Variants in ANKRD13C observed in about 807,000 individuals in gnomAD.
ANKRD13C encodes ankyrin repeat domain-containing protein 13C.
ANKRD13C carries 16 observed loss-of-function variants against 65.5 expected under a neutral mutation model. The observed-to-expected ratio is 0.24, with a 90% CI of 0.17 to 0.37. The LOEUF (loss-of-function observed/expected upper bound fraction) is 0.37, where lower values mean the gene tolerates loss of function less well. Ranked by LOEUF, ANKRD13C falls within the 10% of genes least tolerant of loss-of-function variation. ANKRD13C has a pLI of 1.00. For missense variants in ANKRD13C, 503 were observed against 655.9 expected (o/e 0.77, Z 2.55); for synonymous variants, 235 against 238.7 (o/e 0.98, Z 0.14).
chr1:70,275,231 A>G (rs1679077394), intron 10 of ANKRD13C, among the ~76,000 whole-genome samples: 1 of 152,252 alleles, frequency 6.6e-6, no homozygotes. Context: ...AAGGAATTCT[A>G]TATTAACTAT....
rs79818753 is a variant in ANKRD13C, at chr1:70,293,084, C to T, written c.1054-535G>A. On this transcript the variant is annotated intron_variant, in intron 8 of 12. Transcript: ENST00000370944. ...ACAGGCACCAAACTTCAAGTTACAGCTGCCTGTTTTCAACAAAGAAAAGAG... is the reference window on the plus strand; with the variant it reads ...ACAGGCACCAAACTTCAAGTTACAGTTGCCTGTTTTCAACAAAGAAAAGAG... Among the ~76,000 whole-genome samples the T allele has an allele frequency of 5.4e-3, 823 of 152,252 alleles. 9 individuals carry two copies. Among genetic ancestry groups the T allele is most frequent in the African/African-American group, 0.018 (767 of 41,540 alleles).
At chr1:70,284,952 T>C (rs930383017) in intron 9 of ANKRD13C, among the ~76,000 whole-genome samples, 2 of 152,164 alleles carry the variant, frequency 1.3e-5, no homozygotes, top group Non-Finnish European at 2.9e-5. Context: ...GAAGCTGAAA[T>C]TGAGCTTATG....
chr1:70,315,367 A>C (rs1257095109), intron 4 of ANKRD13C, 114 bp downstream of exon 4: 7 of 739,892 alleles, frequency 9.5e-6, no homozygotes, highest in Non-Finnish European at 1.6e-5. Context: ...CATGATTTTT[A>C]CCATTTTTTG....
At chr1:70,299,117 A>G (rs1680216099) in intron 7 of ANKRD13C, among the ~76,000 whole-genome samples, 1 of 152,174 alleles carries the variant, frequency 6.6e-6, no homozygotes, top group Admixed American at 6.5e-5. Flanking sequence ...ATTTGGTGGG[A>G]GAGAAAGTAA....
intron 8 of ANKRD13C, among the ~76,000 whole-genome samples, chr1:70,295,716 T>C (rs919551621): frequency 6.6e-6 from 1 of 152,048 alleles, no homozygotes; most frequent in Non-Finnish European, 1.5e-5. Flanking sequence ...CTCATATGTA[T>C]AGAATACAAG....
At position 70,288,742 on chromosome 1, in the gene ANKRD13C, A is replaced by C. The variant is rs540363240; in HGVS notation, c.1215+3646T>G. Among the ~76,000 whole-genome samples, 8 of 152,326 alleles carry C rather than the reference A, an allele frequency of 5.3e-5. No homozygotes were observed. The South Asian group carries it at 1.7e-3, about 32-fold the overall frequency. On this transcript the variant is annotated intron_variant, in intron 9 of 12. Coordinates refer to ENST00000370944, the MANE Select transcript of ANKRD13C (RefSeq NM_030816.5). ...ATTGCCAGGCATAAGGGACAGAGAG[A>C]GGCTAAGGGGGCAGCAAATGTGCCT...
At chr1:70,348,840 G>A (rs1347332018) in intron 1 of ANKRD13C, among the ~76,000 whole-genome samples, 1 of 152,132 alleles carries the variant, frequency 6.6e-6, no homozygotes, top group Non-Finnish European at 1.5e-5. Flanking sequence ...CATATATAGA[G>A]AAGATGGCTT....
At chr1:70,338,947 C>A (rs538124529) in intron 1 of ANKRD13C, among the ~76,000 whole-genome samples, 1 of 152,118 alleles carries the variant, frequency 6.6e-6, no homozygotes, top group East Asian at 1.9e-4. Flanking sequence ...CTTGGCCGGG[C>A]GCGGTGGCTC....
chr1:70,273,598 C>T (rs938450263), intron 11 of ANKRD13C, among the ~76,000 whole-genome samples: 2 of 151,506 alleles, frequency 1.3e-5, no homozygotes, highest in Non-Finnish European at 2.9e-5. Flanking sequence ...ATCAACACTA[C>T]AAAATAACAA....
At chr1:70,330,742 A>G (rs1681759102) in intron 2 of ANKRD13C, among the ~76,000 whole-genome samples, 1 of 152,152 alleles carries the variant, frequency 6.6e-6, no homozygotes. Flanking sequence ...TTAAGAAAAA[A>G]TAAAAAATTG....
chr1:70,293,860 T>C (rs1679963884), intron 8 of ANKRD13C, among the ~76,000 whole-genome samples: 1 of 152,192 alleles, frequency 6.6e-6, no homozygotes, highest in South Asian at 2.1e-4. Flanking sequence ...ATCAACAAAA[T>C]GTTAAGTGTG....
intron 5 of ANKRD13C, among the ~76,000 whole-genome samples, chr1:70,310,457 A>T (rs1479191095): frequency 6.6e-6 from 1 of 152,168 alleles, no homozygotes; most frequent in Non-Finnish European, 1.5e-5. Context: ...ATAATCCTTT[A>T]TTAGCAATGA....
intron 2 of ANKRD13C, among the ~76,000 whole-genome samples, chr1:70,331,368 C>G (rs1281387646): frequency 6.6e-6 from 1 of 151,900 alleles, no homozygotes; most frequent in Non-Finnish European, 1.5e-5. Context: ...CGAGACCAGC[C>G]TAGCCAATAT....
At chr1:70,341,421 G>A (rs1177848686) in intron 1 of ANKRD13C, among the ~76,000 whole-genome samples, 3 of 138,500 alleles carry the variant, frequency 2.2e-5, no homozygotes, top group African/African-American at 5.5e-5. Context: ...GAGTGGAATA[G>A]TACAATCTCG....
At chr1:70,265,142 G>T (rs1373567272) in intron 12 of ANKRD13C, among the ~76,000 whole-genome samples, 1 of 152,180 alleles carries the variant, frequency 6.6e-6, no homozygotes. Flanking sequence ...TGGATCAGGT[G>T]GAAAGCCAAC....
At chr1:70,264,475 CAAAAAAAAAAAAAA>C (rs57312096) in intron 12 of ANKRD13C, among the ~76,000 whole-genome samples, 3 of 48,930 alleles carry the variant, frequency 6.1e-5, no homozygotes, top group African/African-American at 2.0e-4. Flanking sequence ...GACTCTATCT[CAAAAAAAAAAAAAA>C]AAAAAAAAAA....
chr1:70,279,669 A>AT (rs1679299336), intron 9 of ANKRD13C, among the ~76,000 whole-genome samples: 1 of 151,632 alleles, frequency 6.6e-6, no homozygotes, highest in Non-Finnish European at 1.5e-5. Context: ...AGCCCAGCTA[A>AT]TTTTTGTATT....
intron 3 of ANKRD13C, among the ~76,000 whole-genome samples, chr1:70,317,025 G>T (rs1219665623): frequency 7.4e-5 from 11 of 148,452 alleles, no homozygotes; most frequent in Non-Finnish European, 1.6e-4. Flanking sequence ...AGCAGAAGGC[G>T]AATAAAAAAA....
In ANKRD13C at chr1:70,274,782, C is replaced by T. The variant is rs771487455; in HGVS notation, c.1332G>A (p.Glu444=). 4 of 1,613,920 alleles carry T rather than the reference C, an allele frequency of 2.5e-6. No homozygotes were observed. Among genetic ancestry groups the T allele is most frequent in the East Asian group, 2.2e-5 (1 of 44,840 alleles). The stretch of plus-strand genomic sequence containing the variant: ...TCGTAGCTTTAAACGTTTTCTTACT[C>T]TCTTTGCACACCAATTCTCTACCCA... ...PHLGRELVCK[E]SKKTFKATIA... The change falls in exon 11 of 13, where the codon GAG becomes GAA. Residue 444 remains glutamate, a synonymous_variant. Coordinates refer to ENST00000370944, the MANE Select transcript of ANKRD13C (RefSeq NM_030816.5).
Sources: allele counts gnomAD v4.1 joint callset (sites outside exome capture counted in the v4.1 genomes callset), GRCh38; gene constraint gnomAD v4.1.1; transcripts MANE v1.5; gene names NCBI Gene and HGNC (gene_info 2026-07-23, HGNC 2026-07-21).